Variants in SLC39A4 observed in about 807,000 individuals in gnomAD.
SLC39A4 encodes solute carrier family 39 member 4.
In SLC39A4, 49 loss-of-function variants were observed where a neutral mutation model predicts 56.6. The ratio of observed to expected loss-of-function variants is 0.87; its 90% CI spans 0.69 to 1.10. SLC39A4 has a LOEUF of 1.10. Ranked by LOEUF, SLC39A4 falls within the 50% of genes least tolerant of loss-of-function variation. The pLI is 0.00. For missense variants in SLC39A4, 993 were observed against 864.2 expected (o/e 1.15, Z -1.87); for synonymous variants, 540 against 420.4 (o/e 1.28, Z -3.48).
chr8:144,415,533 C>G, intron 2 of SLC39A4, 114 bp from the exon 3 acceptor site: 1 of 1,300,226 alleles, frequency 7.7e-7, no homozygotes, highest in Non-Finnish European at 1.0e-6. Context: ...ACCAGCCCCG[C>G]CCCTCCCTGG....
chr8:144,412,705 A>G, intron 11 of SLC39A4, 39 bp from the exon 12 acceptor site: 1 of 1,613,436 alleles, frequency 6.2e-7, no homozygotes, highest in Non-Finnish European at 8.5e-7. Context: ...GCCCCTGCTC[A>G]GCTCCTCTGC....
chr8:144,416,549 C>G, intron 1 of SLC39A4, 49 bp downstream of exon 1: 3 of 1,539,528 alleles, frequency 1.9e-6, no homozygotes, highest in Non-Finnish European at 1.7e-6. Flanking sequence ...CAGGGCGGAG[C>G]TGGCGGGAAG....
At position 144,413,943 on chromosome 8, in the gene SLC39A4, C is replaced by T. The variant is rs782249217; in HGVS notation, c.1287+15G>A. 3.7e-6 allele frequency: 6 copies of T among 1,610,808 alleles called. No individual in the cohort carries two copies. The highest frequency in any genetic ancestry group is 3.3e-5 in the Admixed American group (2 of 59,716). On this transcript the variant is annotated intron_variant, in intron 7 of 11. Transcript: ENST00000301305. The stretch of plus-strand genomic sequence containing the variant: ...AGCACACCCACCCGCCGGGTACCTT[C>T]CCAAGAAGCCTGACCTCCGGGTCCC...
chr8:144,413,265 C>A lies in SLC39A4; in HGVS notation c.1599G>T (p.Val533=). 2 of 1,593,128 alleles carry A rather than the reference C, an allele frequency of 1.3e-6. No homozygotes were observed. Among genetic ancestry groups the A allele is most frequent in the Non-Finnish European group, 1.7e-6 (2 of 1,174,192 alleles). Residue 533 remains valine (V), a synonymous_variant, in exon 10 of 12, where the codon GTG becomes GTT. Transcript: ENST00000301305. ...WKTGLATSLA[V]FCHELPHELG... is the part of the protein sequence containing the mutation. ...GCTCGTGTGGCAACTCGTGGCAGAA[C>A]ACGGCCAGCGAGGTGGCCAGCCCGG... is the stretch of plus-strand genomic sequence containing the variant.
Position 144,415,127 on chromosome 8 carries a change from T to C in SLC39A4, c.668-17A>G, listed in dbSNP as rs201216097. The C allele has an allele frequency of 1.4e-5, 23 of 1,611,988 alleles. No individual in the cohort carries two copies. The highest frequency in any genetic ancestry group is 2.5e-6 in the Non-Finnish European group (3 of 1,179,792). Reference sequence around the variant, plus strand: ...CTGACAGCTCTGGCAGGGAGAAGAGTTGGCACCGCGAGTCTGTGTGGGCTC... The same window carrying C: ...CTGACAGCTCTGGCAGGGAGAAGAGCTGGCACCGCGAGTCTGTGTGGGCTC... On this transcript the variant is annotated splice_polypyrimidine_tract_variant and intron_variant, in intron 3 of 11. Transcript: ENST00000301305.
At position 144,416,766 on chromosome 8, in the gene SLC39A4, C is replaced by G; in HGVS notation, c.24G>C (p.Glu8Asp). The change falls in exon 1 of 12, where the codon GAG becomes GAC. Residue 8 changes from glutamate (E) to aspartate (D), a missense_variant. Glu to Asp is a conservative substitution (Grantham distance 45). Transcript: ENST00000301305. ...CCAGCACAGCCAGAAGCAGCCCCAG[C>G]TCCAGCGAGACCAGGGACGCCATAC... MASLVSL[E>D]LGLLLAVLVV... 1 of 1,612,694 alleles carries G rather than the reference C, an allele frequency of 6.2e-7. No homozygotes were observed. The highest frequency in any genetic ancestry group is 8.5e-7 in the Non-Finnish European group (1 of 1,179,884).
intron 10 of SLC39A4, 143 bp downstream of exon 10, chr8:144,413,094 G>GC (rs1821960450): frequency 2.7e-6 from 4 of 1,474,806 alleles, no homozygotes; most frequent in Non-Finnish European, 9.1e-7. Context: ...CACCTTCCAG[G>GC]CCCCGCCCCA....
Position 144,413,150 on chromosome 8 carries a change from T to G in SLC39A4, c.1627+87A>C. On this transcript the variant is annotated intron_variant, in intron 10 of 11. Transcript: ENST00000301305. ...CCAGCCAGGTGCGGCCCCGCCCATC[T>G]TCCAGGCCCCGCCCACCTGTTCCAG... 5.9e-6 allele frequency: 8 copies of G among 1,356,080 alleles called. No homozygotes were observed. The South Asian group carries it at 6.4e-5, about 11-fold the overall frequency. The allele number at this position is 1,356,080 out of a possible 1,614,324, so 84.0% of individuals were successfully genotyped here. A position where few individuals can be genotyped will look rare whatever the true frequency, so the allele number is the denominator to read the frequency against.
At position 144,414,046 on chromosome 8, in the gene SLC39A4, G is replaced by A. The variant is rs1822042898; in HGVS notation, c.1199C>T (p.Thr400Ile). 2 of 1,575,064 alleles carry A rather than the reference G, an allele frequency of 1.3e-6. No individual in the cohort carries two copies. The highest frequency in any genetic ancestry group is 1.7e-6 in the Non-Finnish European group (2 of 1,160,168). Residue 400 changes from threonine to isoleucine, a missense_variant, in exon 7 of 12, where the codon ACC (threonine) becomes ATC (isoleucine). Physicochemically the swap from Thr to Ile is moderately conservative, Grantham distance 89. Coordinates refer to ENST00000301305, the MANE Select transcript of SLC39A4 (RefSeq NM_130849.4). ...HSEEGLSPQP[T>I]WRLLAMLAGL... Reference sequence around the variant, plus strand: ...GGCCAGCATAGCCAGGAGGCGCCAGGTGGGCTGTGGGCTGAGGCCCTCTTC... The same window carrying A: ...GGCCAGCATAGCCAGGAGGCGCCAGATGGGCTGTGGGCTGAGGCCCTCTTC...
At chr8:144,413,676 G>C (rs1180816092) in intron 8 of SLC39A4, 74 bp downstream of exon 8, 3 of 1,539,700 alleles carry the variant, frequency 1.9e-6, no homozygotes, top group Non-Finnish European at 2.6e-6. Flanking sequence ...CTGGGGTGGG[G>C]CTGGGAGTGT....
In SLC39A4 at chr8:144,413,310, G is replaced by A. The variant is rs782175689; in HGVS notation, c.1554C>T (p.Ala518=). Residue 518 remains alanine, a synonymous_variant, in exon 10 of 12, where the codon GCC becomes GCT. Coordinates refer to ENST00000301305, the MANE Select transcript of SLC39A4 (RefSeq NM_130849.4). The part of the protein sequence containing the change: ...NFADGLAVGA[A]FASSWKTGLA... ...GCCCGGTCTTCCAGGAGGACGCGAA[G>A]GCGGCGCCCACGGCCAGCCCGTCGG... is the stretch of plus-strand genomic sequence containing the variant. The A allele has an allele frequency of 3.1e-5, 49 of 1,603,814 alleles. No homozygotes were observed. The South Asian group carries it at 3.8e-4, about 12-fold the overall frequency.
intron 1 of SLC39A4, 151 bp from the exon 2 acceptor site, chr8:144,416,242 C>T (rs1554874011): frequency 1.3e-6 from 2 of 1,573,678 alleles, no homozygotes; most frequent in Non-Finnish European, 1.7e-6. Context: ...TCCGTCTCCC[C>T]AGGCCCCTGT....
At chr8:144,413,910 A>G in intron 7 of SLC39A4, 29 bp from the exon 8 acceptor site, 1 of 1,609,762 alleles carries the variant, frequency 6.2e-7, no homozygotes, top group African/African-American at 1.3e-5. Context: ...AGTGTCCACC[A>G]GGCCCCCAGC....
intron 10 of SLC39A4, 81 bp from the exon 11 acceptor site, chr8:144,413,027 A>T (rs1469427731): frequency 6.7e-7 from 1 of 1,485,898 alleles, no homozygotes; most frequent in Non-Finnish European, 9.0e-7. Flanking sequence ...CCCTCTTACC[A>T]CCAGGCCCCG....
chr8:144,414,241 C>G (rs368913447), intron 6 of SLC39A4, 21 bp downstream of exon 6: 2 of 1,604,466 alleles, frequency 1.2e-6, no homozygotes, highest in South Asian at 1.1e-5. Flanking sequence ...GGGCCAGGGT[C>G]GCGGGTTTGT....
In SLC39A4 at chr8:144,415,916, G is replaced by A; in HGVS notation, c.368C>T (p.Ala123Val). The change falls in exon 2 of 12, where the codon GCA becomes GTA. Residue 123 changes from alanine to valine, a missense_variant. Transcript: ENST00000301305. ...DARAGLWASH[A>V]DHLLALLESP... is the part of the protein sequence containing the mutation. ...CTCGAGCAGGGCCAGGAGGTGGTCT[G>A]CATGAGAGGCCCAGAGGCCAGCCCG... 1 of 1,595,750 alleles carries A rather than the reference G, an allele frequency of 6.3e-7. No homozygotes were observed.
In SLC39A4 at chr8:144,415,861, G is replaced by T. The variant is rs782392438; in HGVS notation, c.423C>A (p.Ser141Arg). ...ESPKALTPGL[S>R]WLLQRMQARA... is the part of the protein sequence containing the mutation. Reference sequence around the variant, plus strand: ...GGGCCTGCATCCTCTGCAGCAGCCAGCTCAGGCCCGGGGTCAGGGCCTTGG... The same window carrying T: ...GGGCCTGCATCCTCTGCAGCAGCCATCTCAGGCCCGGGGTCAGGGCCTTGG... Residue 141 changes from serine (S) to arginine (R), a missense_variant, in exon 2 of 12, where the codon AGC (serine) becomes AGA (arginine). Ser to Arg is a moderately radical substitution (Grantham distance 110). Transcript: ENST00000301305. 1.3e-6 allele frequency: 2 copies of T among 1,597,942 alleles called. No homozygotes were observed.
chr8:144,414,120 G>A, intron 6 of SLC39A4, 25 bp from the exon 7 acceptor site: 1 of 1,554,814 alleles, frequency 6.4e-7, no homozygotes, highest in South Asian at 1.2e-5. Context: ...CGCTGGGCTG[G>A]GGGGGAGGTC....
chr8:144,416,088 G>A lies in SLC39A4; in HGVS notation c.196C>T (p.Leu66=). ...AGGCCCAGGGCGTCCTCCACAGACA[G>A]GCACTGTGGGCAGAGACAAGTGAGC... The part of the protein sequence containing the change: ...HCANGPCGKC[L]SVEDALGLGE... Residue 66 remains leucine, a synonymous_variant, in exon 2 of 12, where the codon CTG becomes TTG. Coordinates refer to ENST00000301305, the MANE Select transcript of SLC39A4 (RefSeq NM_130849.4). The A allele has an allele frequency of 6.3e-7, 1 of 1,599,790 alleles. No individual in the cohort carries two copies.
Sources: gnomAD v4.1 joint callset for allele counts on GRCh38, gnomAD v4.1.1 for gene constraint, MANE v1.5 for transcripts, NCBI Gene and HGNC (gene_info 2026-07-23, HGNC 2026-07-21) for gene names.